PLXNA4: variants seen among roughly 807,000 people sequenced by gnomAD.
The protein encoded by PLXNA4 is plexin-A4.
PLXNA4 carries 44 observed loss-of-function variants against 191.8 expected under a neutral mutation model. That is an observed-to-expected ratio of 0.23 (90% CI 0.18 to 0.29). The LOEUF (loss-of-function observed/expected upper bound fraction) is 0.29, where lower values mean the gene tolerates loss of function less well. PLXNA4 is among the 10% of genes least tolerant of loss of function. PLXNA4 has a pLI of 1.00. For synonymous variants in PLXNA4, 1,082 were observed against 1,009.5 expected, an observed-to-expected ratio of 1.07 and a Z score of -1.36; for missense variants, 1,800 against 2,488.8, an observed-to-expected ratio of 0.72 and a Z score of 5.89.
At chr7:132,444,404 G>A (rs754085342) in intron 3 of PLXNA4, among the ~76,000 whole-genome samples, 2 of 152,208 alleles carry the variant, frequency 1.3e-5, no homozygotes, top group Non-Finnish European at 2.9e-5. Flanking sequence ...ACAGGCATGT[G>A]CCACCATGCC....
At chr7:132,178,300 G>T (rs1252611695) in intron 20 of PLXNA4, among the ~76,000 whole-genome samples, 3 of 151,978 alleles carry the variant, frequency 2.0e-5, no homozygotes, top group Non-Finnish European at 4.4e-5. Flanking sequence ...TGCTCTAGTG[G>T]GGTGAAGGTG....
rs34155844 is a variant in PLXNA4 at position 132,589,676 on chromosome 7, T to C, written c.-87+56252A>G. ...CAAGTACTGCTCTAGGTGCTGCAGATAAAGTGGAGATCAAAGCTCTTGTGC... is the reference window on the plus strand; with the variant it reads ...CAAGTACTGCTCTAGGTGCTGCAGACAAAGTGGAGATCAAAGCTCTTGTGC... On this transcript the variant is annotated intron_variant, in intron 2 of 4. Coordinates refer to the PLXNA4 transcript ENST00000378539. Among the ~76,000 whole-genome samples, 693 of 152,312 alleles carry C rather than the reference T, an allele frequency of 4.5e-3. 3 individuals carry two copies. The highest frequency in any genetic ancestry group is 6.9e-3 in the Non-Finnish European group (469 of 68,022).
intron 2 of PLXNA4, among the ~76,000 whole-genome samples, chr7:132,595,480 T>A (rs1165733323): frequency 1.3e-5 from 2 of 152,076 alleles, no homozygotes; most frequent in African/African-American, 4.8e-5. Context: ...AAGTTTTAAA[T>A]CCCCAGATAC....
At chr7:132,484,865 ACT>A (rs756588515) in intron 3 of PLXNA4, 15 of 1,613,998 alleles carry the variant, frequency 9.3e-6, no homozygotes, top group South Asian at 7.7e-5. Flanking sequence ...CAGAGGCTGG[ACT>A]CTCTGATCTG....
At chr7:132,623,125 A>C (rs1803302434) in intron 2 of PLXNA4, among the ~76,000 whole-genome samples, 1 of 152,148 alleles carries the variant, frequency 6.6e-6, no homozygotes, top group Non-Finnish European at 1.5e-5. Context: ...CGGGTGGATC[A>C]CCTGAGGTCT....
At chr7:132,305,405 C>CACACACAG (rs1801478162) in intron 3 of PLXNA4, among the ~76,000 whole-genome samples, 1 of 148,964 alleles carries the variant, frequency 6.7e-6, no homozygotes, top group Non-Finnish European at 1.5e-5. Flanking sequence ...CACACACACA[C>CACACACAG]ACTCTACTCT....
chr7:132,605,864 G>A (rs532125751), intron 2 of PLXNA4, among the ~76,000 whole-genome samples: 4 of 152,282 alleles, frequency 2.6e-5, no homozygotes, highest in East Asian at 3.9e-4. Flanking sequence ...GGCAGAGACT[G>A]GAGCCATGCA....
At chr7:132,416,899 A>G (rs1251182250) in intron 3 of PLXNA4, among the ~76,000 whole-genome samples, 1 of 152,156 alleles carries the variant, frequency 6.6e-6, no homozygotes, top group Admixed American at 6.5e-5. Flanking sequence ...CATACTGTTC[A>G]TCACAAACTC....
intron 9 of PLXNA4, among the ~76,000 whole-genome samples, chr7:132,213,796 G>C (rs55674541): frequency 0.21 from 31,765 of 152,056 alleles, 3,503 homozygotes; most frequent in Non-Finnish European, 0.24. Flanking sequence ...GAGCCTGACT[G>C]TCTCTCCTGC....
intron 3 of PLXNA4, among the ~76,000 whole-genome samples, chr7:132,444,940 G>A (rs1262286568): frequency 1.3e-5 from 2 of 151,568 alleles, no homozygotes; most frequent in Non-Finnish European, 2.9e-5. Flanking sequence ...GAGGCGGGCG[G>A]ATCATGAGGT....
chr7:132,410,567 T>C (rs1794414415), intron 3 of PLXNA4, among the ~76,000 whole-genome samples: 1 of 152,080 alleles, frequency 6.6e-6, no homozygotes, highest in South Asian at 2.1e-4. Flanking sequence ...GGGAGACACA[T>C]TTATGAGCTG....
chr7:132,469,251 A>G (rs1043497127), intron 3 of PLXNA4, among the ~76,000 whole-genome samples: 12 of 152,122 alleles, frequency 7.9e-5, no homozygotes, highest in African/African-American at 2.7e-4. Context: ...GTGGATGAAG[A>G]AATGCCTTAC....
chr7:132,187,936 C>T (rs1324172658), intron 14 of PLXNA4, among the ~76,000 whole-genome samples: 2 of 151,876 alleles, frequency 1.3e-5, no homozygotes, highest in Non-Finnish European at 2.9e-5. Context: ...AATCACCAAT[C>T]AATTCTTTAA....
intron 3 of PLXNA4, among the ~76,000 whole-genome samples, chr7:132,352,553 C>T (rs1191888001): frequency 6.6e-6 from 1 of 152,150 alleles, no homozygotes; most frequent in African/African-American, 2.4e-5. Flanking sequence ...CCATCCCCTG[C>T]CTGGTCAATC....
upstream of PLXNA4, chr7:132,576,937 C>A (rs1802269656): frequency 6.7e-6 from 1 of 148,872 alleles, no homozygotes; most frequent in East Asian, 2.0e-4. This position sits in a 1 kb window ranked among gnomAD's most constrained non-coding sequence, Gnocchi z 5.8. Context: ...GGGGAGCGCT[C>A]TCGGCGCCTC....
intron 3 of PLXNA4, among the ~76,000 whole-genome samples, chr7:132,331,259 T>A (rs1036817906): frequency 3.3e-5 from 5 of 152,218 alleles, no homozygotes; most frequent in Admixed American, 2.6e-4. Context: ...TGGGAGCATC[T>A]CCCTGCCTTG....
chr7:132,325,703 T>G (rs753619815), intron 3 of PLXNA4, among the ~76,000 whole-genome samples: 6 of 152,136 alleles, frequency 3.9e-5, no homozygotes, highest in Non-Finnish European at 8.8e-5. Context: ...GCTGACACCT[T>G]AATTTCAGAC....
At chr7:132,444,783 C>T (rs971879429) in intron 3 of PLXNA4, among the ~76,000 whole-genome samples, 2 of 152,044 alleles carry the variant, frequency 1.3e-5, no homozygotes, top group Admixed American at 6.5e-5. Flanking sequence ...TGCTGGTCAC[C>T]GTCAGTAGAC....
intron 2 of PLXNA4, among the ~76,000 whole-genome samples, chr7:132,638,852 G>A (rs187702333): frequency 9.9e-5 from 15 of 152,222 alleles, no homozygotes; most frequent in African/African-American, 3.1e-4. Flanking sequence ...GTCTTAGCCC[G>A]TGGGGACAAA....
Sources: allele counts gnomAD v4.1 joint callset (sites outside exome capture counted in the v4.1 genomes callset), GRCh38; gene constraint gnomAD v4.1.1; non-coding constraint Gnocchi (gnomAD v3.1); transcripts MANE v1.5; gene names NCBI Gene and HGNC (gene_info 2026-07-23, HGNC 2026-07-21).